The following RBMS3 variants were observed in gnomAD, a reference collection of about 807,000 sequenced individuals.
RBMS3 encodes the protein RNA binding motif single stranded interacting protein 3, also known as RNA-binding motif, single-stranded-interacting protein 3.
Under a neutral mutation model 66.8 loss-of-function variants are expected in RBMS3, and 27 were observed. That is an observed-to-expected ratio of 0.40 (90% CI 0.30 to 0.56). The LOEUF is 0.56. Ranked by LOEUF, RBMS3 falls within the 20% of genes least tolerant of loss-of-function variation. The pLI is 0.40. For synonymous variants in RBMS3, 188 were observed against 183.0 expected (o/e 1.03, Z -0.22); for missense variants, 513 against 549.5 (o/e 0.93, Z 0.66).
chr3:29,998,515 A>G (rs1387987653), intron 14 of RBMS3, among the ~76,000 whole-genome samples: 2 of 152,226 alleles, frequency 1.3e-5, no homozygotes, highest in Non-Finnish European at 2.9e-5. Context: ...ACTTCAAACT[A>G]TACTACAAGG....
At chr3:29,941,222 C>G (rs920432640) in intron 11 of RBMS3, among the ~76,000 whole-genome samples, 1 of 151,816 alleles carries the variant, frequency 6.6e-6, no homozygotes, top group Non-Finnish European at 1.5e-5. Flanking sequence ...CTCCATTTGT[C>G]CCCACAGTTC....
intron 6 of RBMS3, among the ~76,000 whole-genome samples, chr3:29,821,374 T>A (rs2149475124): frequency 6.6e-6 from 1 of 152,282 alleles, no homozygotes; most frequent in East Asian, 1.9e-4. Flanking sequence ...TTTAGTCTTA[T>A]TTCAGGCTTA....
At chr3:29,499,327 T>C (rs2043876448) in intron 3 of RBMS3, among the ~76,000 whole-genome samples, 1 of 152,066 alleles carries the variant, frequency 6.6e-6, no homozygotes, top group Non-Finnish European at 1.5e-5. Flanking sequence ...TCCTTCCCTT[T>C]AGTAAAGAAA....
chr3:29,673,528 G>A lies in RBMS3; in HGVS notation c.400-66192G>A, dbSNP rs1407917790. Among the ~76,000 whole-genome samples the A allele has an allele frequency of 4.6e-5, 7 of 150,892 alleles. No individual in the cohort carries two copies. In the East Asian group the frequency reaches 1.4e-3, roughly 29 times the overall value. ...ACAGCAAGACTAGTAAAGAAGAAAAGGGAGAAGAATCATATAGACGCAATA... is the reference window on the plus strand; with the variant it reads ...ACAGCAAGACTAGTAAAGAAGAAAAAGGAGAAGAATCATATAGACGCAATA... On this transcript the variant is annotated intron_variant, in intron 4 of 14. Coordinates refer to ENST00000383767, the MANE Select transcript of RBMS3 (RefSeq NM_001003793.3).
intron 4 of RBMS3, 22 bp from the exon 5 acceptor site, chr3:29,739,698 T>A (rs1332827185): frequency 1.3e-5 from 21 of 1,559,298 alleles, no homozygotes; most frequent in Non-Finnish European, 1.6e-5. Context: ...ACTTACCATA[T>A]TTGTTACTTT....
chr3:29,994,651 C>A (rs1046767264), intron 14 of RBMS3, among the ~76,000 whole-genome samples: 9 of 152,350 alleles, frequency 5.9e-5, no homozygotes, highest in African/African-American at 2.2e-4. Flanking sequence ...AGGCACCCCC[C>A]AGCAGGGGCA....
In RBMS3 at chr3:29,590,891, T is replaced by C. The variant is rs572657497; in HGVS notation, c.399+3686T>C. On this transcript the variant is annotated intron_variant, in intron 4 of 14. Transcript: ENST00000383767. ...CCCTGGCTTTTATGTCACACATTTATAAGATGGCTTCTAAAGTTCCAGCTC... is the reference window on the plus strand; with the variant it reads ...CCCTGGCTTTTATGTCACACATTTACAAGATGGCTTCTAAAGTTCCAGCTC... Among the ~76,000 whole-genome samples, 3 of 152,264 alleles carry C rather than the reference T, an allele frequency of 2.0e-5. No individual in the cohort carries two copies. In the East Asian group the frequency reaches 5.8e-4, roughly 29 times the overall value.
At chr3:29,909,057 A>G (rs2060454535) in intron 10 of RBMS3, among the ~76,000 whole-genome samples, 1 of 152,140 alleles carries the variant, frequency 6.6e-6, no homozygotes, top group South Asian at 2.1e-4. Flanking sequence ...ATAATACACA[A>G]AAAGTATGGG....
intron 6 of RBMS3, among the ~76,000 whole-genome samples, chr3:29,823,689 T>TTA (rs1559709433): frequency 6.6e-6 from 1 of 152,168 alleles, no homozygotes; most frequent in Non-Finnish European, 1.5e-5. Flanking sequence ...TTTTATTAAG[T>TTA]AGTCATATAT....
intron 6 of RBMS3, among the ~76,000 whole-genome samples, chr3:29,852,109 A>G (rs1433050777): frequency 6.6e-6 from 1 of 152,218 alleles, no homozygotes; most frequent in Non-Finnish European, 1.5e-5. Context: ...TGATGTTTTG[A>G]TAACTAGCTT....
At chr3:29,896,183 A>G (rs892378440) in intron 8 of RBMS3, among the ~76,000 whole-genome samples, 2 of 151,582 alleles carry the variant, frequency 1.3e-5, no homozygotes, top group Admixed American at 6.6e-5. Flanking sequence ...ACAGAAAATA[A>G]GCTTAAAGAA....
rs1699781693 is a variant in RBMS3 at position 30,005,438 on chromosome 3, G to C, written c.*1576G>C. On this transcript the variant is annotated 3_prime_UTR_variant, in exon 15 of 15. Transcript: ENST00000383767. Reference sequence around the variant, plus strand: ...AACCAAGATGCTTATTTAACAGGTGGAATATTCTTTATATGAAATTTCAGC... The same window carrying C: ...AACCAAGATGCTTATTTAACAGGTGCAATATTCTTTATATGAAATTTCAGC... 1 of 151,824 alleles carries C rather than the reference G, an allele frequency of 6.6e-6. No individual in the cohort carries two copies. The highest frequency in any genetic ancestry group is 2.4e-5 in the African/African-American group (1 of 41,370). The allele number at this position is 151,824 out of a possible 1,614,324, so 9.4% of individuals were successfully genotyped here. A position where few individuals can be genotyped will look rare whatever the true frequency, so the allele number is the denominator to read the frequency against.
chr3:29,927,345 C>G (rs1384551249), intron 10 of RBMS3, among the ~76,000 whole-genome samples: 1 of 152,106 alleles, frequency 6.6e-6, no homozygotes, highest in East Asian at 1.9e-4. Flanking sequence ...TGAGCAAGTG[C>G]CATTCACTCA....
intron 4 of RBMS3, among the ~76,000 whole-genome samples, chr3:29,637,330 G>A (rs980015035): frequency 1.3e-5 from 2 of 151,782 alleles, no homozygotes; most frequent in Non-Finnish European, 2.9e-5. Context: ...AGAAACCTTA[G>A]TTGATATGCT....
chr3:29,568,062 C>A (rs1326048816), intron 3 of RBMS3, among the ~76,000 whole-genome samples: 1 of 152,144 alleles, frequency 6.6e-6, no homozygotes, highest in African/African-American at 2.4e-5. Context: ...TAATTTGATT[C>A]TTTATCCAGT....
intron 12 of RBMS3, among the ~76,000 whole-genome samples, chr3:29,977,774 T>C (rs1431283040): frequency 1.3e-5 from 2 of 150,970 alleles, no homozygotes; most frequent in East Asian, 3.9e-4. Flanking sequence ...CAAGGAAATA[T>C]TGTATGGATT....
At chr3:29,752,908 A>G (rs1368872704) in intron 5 of RBMS3, among the ~76,000 whole-genome samples, 1 of 152,212 alleles carries the variant, frequency 6.6e-6, no homozygotes, top group Non-Finnish European at 1.5e-5. Flanking sequence ...AAATATCTTA[A>G]ACAAAAGTAA....
At chr3:29,640,268 A>ACACACACACACACACACC (rs1237646038) in intron 4 of RBMS3, among the ~76,000 whole-genome samples, 1 of 150,258 alleles carries the variant, frequency 6.7e-6, no homozygotes, top group Non-Finnish European at 1.5e-5. Flanking sequence ...ACACACACAC[A>ACACACACACACACACACC]CACACACACA....
chr3:29,402,509 G>A (rs1269132511), intron 1 of RBMS3, among the ~76,000 whole-genome samples: 1 of 152,050 alleles, frequency 6.6e-6, no homozygotes, highest in Admixed American at 6.6e-5. Flanking sequence ...AAATTATCTA[G>A]TAGTTATGAA....
Sources: gnomAD v4.1 joint callset for allele counts (sites outside exome capture counted in the v4.1 genomes callset) on GRCh38, gnomAD v4.1.1 for gene constraint, MANE v1.5 for transcripts, NCBI Gene and HGNC (gene_info 2026-07-23, HGNC 2026-07-21) for gene names.